SNX1: variants seen among roughly 807,000 people sequenced by gnomAD.
The protein encoded by SNX1 is sorting nexin 1, also known as sorting nexin-1.
SNX1 carries 36 observed loss-of-function variants against 71.8 expected under a neutral mutation model. The ratio of observed to expected loss-of-function variants is 0.50; its 90% confidence interval spans 0.38 to 0.66. The LOEUF is 0.66. SNX1 is among the 30% of genes least tolerant of loss of function. The pLI, the probability that SNX1 is intolerant of heterozygous loss-of-function variation, is 0.00. For synonymous variants in SNX1, 254 were observed against 240.7 expected, an observed-to-expected ratio of 1.06 and a Z score of -0.51; for missense variants, 612 against 646.7, an observed-to-expected ratio of 0.95 and a Z score of 0.58.
intron 1 of SNX1, among the ~76,000 whole-genome samples, chr15:64,108,243 G>A (rs777350782): frequency 5.0e-4 from 76 of 151,326 alleles, no homozygotes; most frequent in South Asian, 2.3e-3. Flanking sequence ...TATTGGTTTT[G>A]CCATTGAATG....
At chr15:64,110,933 C>A (rs1374734016) in intron 1 of SNX1, among the ~76,000 whole-genome samples, 1 of 152,204 alleles carries the variant, frequency 6.6e-6, no homozygotes, top group Non-Finnish European at 1.5e-5. Context: ...TCCTTCTAGG[C>A]ATTTTTTAAA....
At position 64,129,892 on chromosome 15, in the gene SNX1, A is replaced by G. The variant is rs767773928; in HGVS notation, c.808-24A>G. 2.6e-6 allele frequency: 4 copies of G among 1,562,366 alleles called. No individual in the cohort carries two copies. Among genetic ancestry groups the G allele is most frequent in the South Asian group, 2.2e-5 (2 of 89,988 alleles). Reference sequence around the variant, plus strand: ...AAATAGGGGCAGCAGATAACTTGCCATCCCTGCCTTCTTGGTCTTGTAGCT... The same window carrying G: ...AAATAGGGGCAGCAGATAACTTGCCGTCCCTGCCTTCTTGGTCTTGTAGCT... On this transcript the variant is annotated intron_variant, in intron 8 of 14. Coordinates refer to ENST00000559844, the MANE Select transcript of SNX1 (RefSeq NM_003099.5). The surrounding 1 kb of genome is among the most constrained non-coding windows in gnomAD (Gnocchi z 4.4).
intron 1 of SNX1, among the ~76,000 whole-genome samples, chr15:64,099,699 C>G (rs556937759): frequency 2.2e-4 from 34 of 152,282 alleles, no homozygotes; most frequent in African/African-American, 8.2e-4. Context: ...CTAAAAGCAT[C>G]AAATAGACAC....
chr15:64,130,221 G>A lies in SNX1; in HGVS notation c.922-7G>A, dbSNP rs1299063420. ...TCTCATTAAAGTTCTGGGCTTTTGT[G>A]TTTCAGTGGTTTGAGGAGAAGCTCC... On this transcript the variant is annotated splice_polypyrimidine_tract_variant and splice_region_variant and intron_variant, in intron 9 of 14. Coordinates refer to ENST00000559844, the MANE Select transcript of SNX1 (RefSeq NM_003099.5). The A allele has an allele frequency of 6.2e-7, 1 of 1,613,406 alleles. No homozygotes were observed. The highest frequency in any genetic ancestry group is 8.5e-7 in the Non-Finnish European group (1 of 1,179,364).
chr15:64,130,094 A>G (rs535142824), intron 9 of SNX1, 65 bp downstream of exon 9: 14 of 1,461,704 alleles, frequency 9.6e-6, no homozygotes, highest in Middle Eastern at 1.8e-4. Context: ...ACCCCTAAGG[A>G]GTCCTGAAAT....
intron 5 of SNX1, among the ~76,000 whole-genome samples, chr15:64,124,506 CAAA>C (rs61561795): frequency 6.2e-5 from 4 of 64,072 alleles, no homozygotes; most frequent in Non-Finnish European, 7.3e-5. Context: ...GACTCTGTCT[CAAA>C]AAAAAAAAAA....
chr15:64,096,166 G>A lies in SNX1; in HGVS notation c.153G>A (p.Ala51=), dbSNP rs1246707618. 2 of 1,550,790 alleles carry A rather than the reference G, an allele frequency of 1.3e-6. No individual in the cohort carries two copies. Among genetic ancestry groups the A allele is most frequent in the East Asian group, 2.4e-5 (1 of 41,038 alleles). The change falls in exon 1 of 15, where the codon GCG becomes GCA. Residue 51 remains alanine, a synonymous_variant. Transcript: ENST00000559844. ...GGGAGGACATTTTCACCGGCGCCGC[G>A]GTGGTCGTGAGTTTGCACCCCTCGG... ...TEGEDIFTGA[A]VVSKHQSPKI... is the part of the protein sequence containing the mutation.
At chr15:64,126,053 G>A (rs772397651) in intron 5 of SNX1, 26 bp from the exon 6 acceptor site, 3 of 1,613,472 alleles carry the variant, frequency 1.9e-6, no homozygotes, top group East Asian at 2.2e-5. Flanking sequence ...GAATGAAATT[G>A]CCTTGTGTTT....
intron 1 of SNX1, among the ~76,000 whole-genome samples, chr15:64,109,347 A>C (rs2081054889): frequency 6.6e-6 from 1 of 151,670 alleles, no homozygotes; most frequent in Admixed American, 6.6e-5. Context: ...ACAATTAAAG[A>C]AAAAAAAAGA....
chr15:64,130,458 A>G, intron 10 of SNX1, 137 bp downstream of exon 10: 1 of 707,732 alleles, frequency 1.4e-6, no homozygotes, highest in Non-Finnish European at 2.5e-6. Context: ...TGATGTTCTG[A>G]TAAAAAAAAG....
At chr15:64,122,305 A>T (rs1035273565) in intron 4 of SNX1, among the ~76,000 whole-genome samples, 18 of 151,554 alleles carry the variant, frequency 1.2e-4, no homozygotes, top group African/African-American at 4.1e-4. Flanking sequence ...AAACATCCTT[A>T]GTAGTATTGG....
At chr15:64,096,963 C>A (rs551278138) in intron 1 of SNX1, among the ~76,000 whole-genome samples, 52 of 152,344 alleles carry the variant, frequency 3.4e-4, no homozygotes, top group African/African-American at 1.2e-3. Flanking sequence ...GAATGAAACA[C>A]AAACGAAGCA....
Position 64,129,906 on chromosome 15 carries a change from G to C in SNX1, c.808-10G>C, listed in dbSNP as rs753043845. ...GATAACTTGCCATCCCTGCCTTCTTGGTCTTGTAGCTGCCACGTGCCGTGG... is the reference window on the plus strand; with the variant it reads ...GATAACTTGCCATCCCTGCCTTCTTCGTCTTGTAGCTGCCACGTGCCGTGG... On this transcript the variant is annotated splice_polypyrimidine_tract_variant and intron_variant, in intron 8 of 14. Coordinates refer to ENST00000559844, the MANE Select transcript of SNX1 (RefSeq NM_003099.5). The surrounding 1 kb of genome is among the most constrained non-coding windows in gnomAD (Gnocchi z 4.4). 6.2e-7 allele frequency: 1 copy of C among 1,604,848 alleles called. No individual in the cohort carries two copies. Among genetic ancestry groups the C allele is most frequent in the Non-Finnish European group, 8.5e-7 (1 of 1,171,730 alleles).
chr15:64,104,290 T>G (rs868536006), intron 1 of SNX1, among the ~76,000 whole-genome samples: 9 of 149,734 alleles, frequency 6.0e-5, no homozygotes, highest in African/African-American at 1.5e-4. Flanking sequence ...TTTTTTTTTT[T>G]GGGACGGAGT....
intron 1 of SNX1, among the ~76,000 whole-genome samples, chr15:64,099,904 G>T (rs1387469477): frequency 6.6e-6 from 1 of 152,120 alleles, no homozygotes; most frequent in South Asian, 2.1e-4. Context: ...TAGAGATGGG[G>T]TTTTACCATG....
rs746361299 is a variant in SNX1 at position 64,131,835 on chromosome 15, C to T, written c.1164C>T (p.Asp388=). 3.1e-6 allele frequency: 5 copies of T among 1,614,222 alleles called. No homozygotes were observed. The South Asian group carries it at 3.3e-5, about 11-fold the overall frequency. ...TCCACCAGGAACAGGCCAACAATGA[C>T]TTCTTCCTCCTTGCTGAGCTCCTGA... is the stretch of plus-strand genomic sequence containing the variant. The part of the protein sequence containing the change: ...EQLHQEQANN[D]FFLLAELLSD... The change falls in exon 11 of 15, where the codon GAC becomes GAT. Residue 388 remains aspartate (D), a synonymous_variant. Transcript: ENST00000559844.
intron 1 of SNX1, among the ~76,000 whole-genome samples, chr15:64,099,992 A>G (rs377491162): frequency 3.9e-5 from 6 of 152,344 alleles, no homozygotes; most frequent in African/African-American, 1.4e-4. Flanking sequence ...GATTACAGGC[A>G]TGAGCCACCA....
At chr15:64,133,120 G>A (rs936039115) in intron 11 of SNX1, among the ~76,000 whole-genome samples, 4 of 152,286 alleles carry the variant, frequency 2.6e-5, no homozygotes, top group South Asian at 2.1e-4. Context: ...ACATAATTGC[G>A]AATGGTCTTT....
chr15:64,128,295 A>G (rs1596000159), intron 8 of SNX1, among the ~76,000 whole-genome samples: 1 of 152,250 alleles, frequency 6.6e-6, no homozygotes, highest in Non-Finnish European at 1.5e-5. Flanking sequence ...AAATATATCA[A>G]TATAACCAAA....
Sources: allele counts gnomAD v4.1 joint callset (sites outside exome capture counted in the v4.1 genomes callset), GRCh38; gene constraint gnomAD v4.1.1; non-coding constraint Gnocchi (gnomAD v3.1); transcripts MANE v1.5; gene names NCBI Gene and HGNC (gene_info 2026-07-23, HGNC 2026-07-21).